CDKL5: variants seen among roughly 807,000 people sequenced by gnomAD.
CDKL5 encodes cyclin dependent kinase like 5.
Under a neutral mutation model 61.7 loss-of-function variants are expected in CDKL5, and 8 were observed. The ratio of observed to expected loss-of-function variants is 0.13; its 90% CI spans 0.08 to 0.23. The LOEUF is 0.23. Ranked by LOEUF, CDKL5 falls within the 10% of genes least tolerant of loss-of-function variation. The pLI is 1.00. For missense variants in CDKL5, 440 were observed against 734.5 expected (o/e 0.60, Z 4.63); for synonymous variants, 275 against 272.3 (o/e 1.01, Z -0.10).
chrX:18,644,943 C>T (rs1432855479), downstream of CDKL5, among the ~76,000 whole-genome samples: 1 of 112,624 alleles, frequency 8.9e-6, no homozygotes, highest in African/African-American at 3.2e-5. Flanking sequence ...CTGCAAAACA[C>T]GCAGGTGCAT....
intron 3 of CDKL5, among the ~76,000 whole-genome samples, chrX:18,547,404 T>A (rs1472757160): frequency 8.9e-6 from 1 of 112,330 alleles, no homozygotes; most frequent in Non-Finnish European, 1.9e-5. Context: ...GTGAATATTT[T>A]AAATTTTCAT....
At chrX:18,472,107 A>G (rs886450319) in intron 1 of CDKL5, among the ~76,000 whole-genome samples, 7 of 112,085 alleles carry the variant, frequency 6.2e-5, no homozygotes, top group African/African-American at 9.7e-5. Flanking sequence ...TGTGCTATCA[A>G]TTATTCATTC....
intron 1 of CDKL5, among the ~76,000 whole-genome samples, chrX:18,473,875 T>G (rs755765302): frequency 1.9e-5 from 2 of 107,615 alleles, no homozygotes; most frequent in African/African-American, 6.8e-5. Flanking sequence ...GTATGAAAAG[T>G]AGGCCATCAG....
At chrX:18,450,872 G>A (rs1039020683) in intron 1 of CDKL5, among the ~76,000 whole-genome samples, 1 of 108,776 alleles carries the variant, frequency 9.2e-6, no homozygotes, top group Admixed American at 9.8e-5. Flanking sequence ...ACTGTGCCCG[G>A]CCTTTTTTTT....
chrX:18,491,775 TAATA>T (rs1466945322), intron 1 of CDKL5, among the ~76,000 whole-genome samples: 2 of 111,895 alleles, frequency 1.8e-5, no homozygotes, highest in Non-Finnish European at 1.9e-5. Flanking sequence ...ATTTGTTGGA[TAATA>T]AATTAATGAT....
chrX:18,509,869 C>A (rs1428308702), intron 2 of CDKL5, among the ~76,000 whole-genome samples: 1 of 109,848 alleles, frequency 9.1e-6, no homozygotes, highest in Non-Finnish European at 1.9e-5. Context: ...GAGAGACATT[C>A]AGCTGGGTGT....
At chrX:18,502,458 G>T (rs1922422471) in intron 1 of CDKL5, among the ~76,000 whole-genome samples, 1 of 111,946 alleles carries the variant, frequency 8.9e-6, no homozygotes, top group African/African-American at 3.2e-5. Context: ...CAGTGTAGCT[G>T]GAGTGAAGCT....
chrX:18,643,329 C>T (rs1006601309), downstream of CDKL5, among the ~76,000 whole-genome samples: 2 of 111,392 alleles, frequency 1.8e-5, no homozygotes, highest in Non-Finnish European at 3.8e-5. Flanking sequence ...CGGGAAGGGC[C>T]TGGTCTGCCA....
At chrX:18,581,863 TA>T in intron 6 of CDKL5, 27 bp from the exon 7 acceptor site, 1 of 1,049,074 alleles carries the variant, frequency 9.5e-7, no homozygotes, top group Non-Finnish European at 1.3e-6. Context: ...ACATTTTTAC[TA>T]ATTTTTTTTT....
Position 18,630,352 on chromosome X carries a change from CAGT to C in CDKL5, c.*1604_*1606del. ...AAGTCACCTCAGCACCATCATCTAT[CAGT>C]AGTAGTAGATTTTTGGAATTAGTCT... On this transcript the variant is annotated 3_prime_UTR_variant, in exon 18 of 18. Coordinates refer to ENST00000623535, the MANE Select transcript of CDKL5 (RefSeq NM_001323289.2). 2.7e-6 allele frequency: 2 copies of C among 753,461 alleles called. No homozygotes were observed. The highest frequency in any genetic ancestry group is 3.1e-6 in the Non-Finnish European group (2 of 638,921). The allele number at this position is 753,461 out of a possible 1,213,427, so 62.1% of individuals were successfully genotyped here.
intron 3 of CDKL5, among the ~76,000 whole-genome samples, chrX:18,538,071 A>G (rs1923903891): frequency 8.9e-6 from 1 of 112,106 alleles, no homozygotes; most frequent in African/African-American, 3.2e-5. Flanking sequence ...TGTGTGAGGA[A>G]TCTAGTTTCT....
chrX:18,446,463 A>T (rs909304104), intron 1 of CDKL5, among the ~76,000 whole-genome samples: 2 of 112,280 alleles, frequency 1.8e-5, no homozygotes, highest in African/African-American at 6.5e-5. Context: ...CATTGATTGT[A>T]TAGAACACAG....
intron 1 of CDKL5, among the ~76,000 whole-genome samples, chrX:18,485,695 A>G (rs192747816): frequency 9.1e-4 from 102 of 111,720 alleles, no homozygotes; most frequent in African/African-American, 2.9e-3. Context: ...TGGTCATTTC[A>G]AGGTTACTTT....
rs1927973840 is a variant in CDKL5 at position 18,650,321 on chromosome X, T to A, written c.2798-89T>A. On this transcript the variant is annotated intron_variant, in intron 20 of 21. Transcript: ENST00000379989. ...TCCCCAGGGAAGGTGACGCTCTCAC[T>A]GTCACCTTGGCTTCAGCTGGTGTCT... 4.6e-6 allele frequency: 4 copies of A among 867,606 alleles called. No individual in the cohort carries two copies. The Admixed American group carries it at 6.6e-5, about 14-fold the overall frequency. The allele number at this position is 867,606 out of a possible 1,213,427, so 71.5% of individuals were successfully genotyped here. A position where few individuals can be genotyped will look rare whatever the true frequency, so the allele number is the denominator to read the frequency against.
intron 1 of CDKL5, among the ~76,000 whole-genome samples, chrX:18,487,777 G>C (rs1414047114): frequency 8.9e-6 from 1 of 112,210 alleles, no homozygotes; most frequent in African/African-American, 3.2e-5. Context: ...TTAGCTGGGC[G>C]TGATGGCGTG....
At position 18,631,068 on chromosome X, in the gene CDKL5, C is replaced by T; in HGVS notation, c.*2311C>T. 2.7e-6 allele frequency: 2 copies of T among 752,403 alleles called. No individual in the cohort carries two copies. The highest frequency in any genetic ancestry group is 3.1e-6 in the Non-Finnish European group (2 of 638,806). 62.0% of individuals were successfully genotyped at this position (752,403 alleles called of 1,213,427 possible). A position where few individuals can be genotyped will look rare whatever the true frequency, so the allele number is the denominator to read the frequency against. On this transcript the variant is annotated 3_prime_UTR_variant, in exon 18 of 18. Transcript: ENST00000623535. ...GGTCCCGTTGCCATGCTGTGGCATT[C>T]GAGGCTCGTCACCTAGGGGCTGGTT...
intron 1 of CDKL5, among the ~76,000 whole-genome samples, chrX:18,457,168 C>T (rs1485405746): frequency 9.0e-6 from 1 of 110,748 alleles, no homozygotes; most frequent in Admixed American, 9.9e-5. Flanking sequence ...TTGCCTTTTT[C>T]TGTGCATAGT....
chrX:18,512,048 GTAA>G (rs1922847848), intron 3 of CDKL5, among the ~76,000 whole-genome samples: 2 of 111,512 alleles, frequency 1.8e-5, no homozygotes, highest in African/African-American at 6.5e-5. Flanking sequence ...TTTTACTATG[GTAA>G]TAATCACAAA....
chrX:18,621,014 G>A (rs1926873823), intron 16 of CDKL5, among the ~76,000 whole-genome samples: 1 of 112,403 alleles, frequency 8.9e-6, no homozygotes. Context: ...TGCTAGGCAT[G>A]AGCCACTGTG....
Sources: gnomAD v4.1 joint callset for allele counts (sites outside exome capture counted in the v4.1 genomes callset) on GRCh38, gnomAD v4.1.1 for gene constraint, MANE v1.5 for transcripts, NCBI Gene and HGNC (gene_info 2026-07-23, HGNC 2026-07-21) for gene names.